PLEKHM3: variants seen among roughly 807,000 people sequenced by gnomAD.
The protein encoded by PLEKHM3 is pleckstrin homology domain containing M3.
PLEKHM3 carries 45 observed loss-of-function variants against 81.8 expected under a neutral mutation model. The observed-to-expected ratio is 0.55, with a 90% CI of 0.43 to 0.71. PLEKHM3 has a LOEUF of 0.71. PLEKHM3 is among the 30% of genes least tolerant of loss of function. The probability of loss-of-function intolerance (pLI) is 0.00; values close to 1 mark genes in which losing one functional copy is unlikely to be tolerated. For missense variants in PLEKHM3, 788 were observed against 924.3 expected, an observed-to-expected ratio of 0.85 and a Z score of 1.91; for synonymous variants, 352 against 356.4, an observed-to-expected ratio of 0.99 and a Z score of 0.14.
At chr2:208,012,705 T>G (rs1692743753) in intron 1 of PLEKHM3, among the ~76,000 whole-genome samples, 1 of 152,190 alleles carries the variant, frequency 6.6e-6, no homozygotes, top group African/African-American at 2.4e-5. Context: ...ATCCAGCAAG[T>G]CAGGCTGACT....
At chr2:207,830,862 C>T (rs1047912100) in intron 7 of PLEKHM3, among the ~76,000 whole-genome samples, 1 of 152,118 alleles carries the variant, frequency 6.6e-6, no homozygotes, top group African/African-American at 2.4e-5. Context: ...TCTGAAATTT[C>T]CAGCCTCCAG....
At chr2:208,016,668 A>ATACACACACACACACACACACACACACAC (rs11436592) in intron 1 of PLEKHM3, among the ~76,000 whole-genome samples, 8 of 61,562 alleles carry the variant, frequency 1.3e-4, no homozygotes, top group African/African-American at 3.6e-4. Context: ...AAAAAAAAAA[A>ATACACACACACACACACACACACACACAC]ATACACACAC....
rs1688412132 is a variant in PLEKHM3, at chr2:207,901,118, T to A, written c.1950+7396A>T. On this transcript the variant is annotated intron_variant, in intron 6 of 7. Coordinates refer to ENST00000427836, the MANE Select transcript of PLEKHM3 (RefSeq NM_001080475.3). ...CCTGGAATCCTTATCTCAACTGAGC[T>A]CCTTCTCACCTGGGCAACAGGGCTC... The A allele has an allele frequency of 2.4e-5, 15 of 615,680 alleles. No individual in the cohort carries two copies. In the South Asian group the frequency reaches 2.9e-4, roughly 12 times the overall value. 38.1% of individuals were successfully genotyped at this position (615,680 alleles called of 1,614,324 possible).
intron 6 of PLEKHM3, among the ~76,000 whole-genome samples, chr2:207,884,269 G>T (rs1025195867): frequency 2.0e-5 from 3 of 151,844 alleles, no homozygotes; most frequent in Admixed American, 2.0e-4. Flanking sequence ...TTCCTAGGAA[G>T]ATCAGGAACT....
chr2:208,014,643 C>CA (rs367636812), intron 1 of PLEKHM3, among the ~76,000 whole-genome samples: 130 of 151,912 alleles, frequency 8.6e-4, no homozygotes, highest in Middle Eastern at 3.4e-3. Flanking sequence ...GACTCCATCT[C>CA]AAAAAACAAA....
chr2:207,995,439 G>C (rs1692089008), intron 2 of PLEKHM3, among the ~76,000 whole-genome samples: 1 of 152,176 alleles, frequency 6.6e-6, no homozygotes, highest in Admixed American at 6.5e-5. Flanking sequence ...CTTTCAAAGT[G>C]GAGGGCTGAG....
chr2:207,954,410 T>C (rs1690437962), intron 3 of PLEKHM3, among the ~76,000 whole-genome samples: 1 of 152,222 alleles, frequency 6.6e-6, no homozygotes, highest in African/African-American at 2.4e-5. Context: ...AAAGTATTAG[T>C]ACTGTGCTGA....
chr2:207,908,639 T>G, intron 5 of PLEKHM3, 62 bp from the exon 6 acceptor site: 1 of 1,435,472 alleles, frequency 7.0e-7, no homozygotes, highest in East Asian at 2.3e-5. Context: ...ATTTTTCTGA[T>G]AAGTTTCAGT....
chr2:208,018,710 A>G (rs1415345685), intron 1 of PLEKHM3, among the ~76,000 whole-genome samples: 2 of 152,112 alleles, frequency 1.3e-5, no homozygotes, highest in Non-Finnish European at 2.9e-5. Context: ...TAATCCATTC[A>G]CCACACTGCA....
intron 2 of PLEKHM3, among the ~76,000 whole-genome samples, chr2:207,987,476 T>C: frequency 6.6e-6 from 1 of 152,152 alleles, no homozygotes; most frequent in East Asian, 1.9e-4. Context: ...AAAATCAATT[T>C]TCATTGACTG....
At chr2:207,904,006 C>T (rs1346581301) in intron 6 of PLEKHM3, among the ~76,000 whole-genome samples, 1 of 152,256 alleles carries the variant, frequency 6.6e-6, no homozygotes, top group African/African-American at 2.4e-5. Flanking sequence ...AAGTAGCTAA[C>T]CAAGGAAAAG....
intron 7 of PLEKHM3, among the ~76,000 whole-genome samples, chr2:207,837,475 C>T (rs1263695920): frequency 6.6e-6 from 1 of 152,020 alleles, no homozygotes; most frequent in East Asian, 2.0e-4. Context: ...TGGCTAATGC[C>T]TGTAGTCCCG....
chr2:207,886,599 G>A (rs936144764), intron 6 of PLEKHM3, among the ~76,000 whole-genome samples: 2 of 152,168 alleles, frequency 1.3e-5, no homozygotes, highest in East Asian at 3.8e-4. Context: ...GATGCTGCAA[G>A]GCCCTGAGCC....
chr2:207,926,639 C>T (rs1309520234), intron 5 of PLEKHM3, among the ~76,000 whole-genome samples: 6 of 152,148 alleles, frequency 3.9e-5, no homozygotes, highest in African/African-American at 1.2e-4. Context: ...TCAGCAGGAC[C>T]GCCATCTGGG....
chr2:207,990,018 G>C (rs1403478526), intron 2 of PLEKHM3, among the ~76,000 whole-genome samples: 1 of 152,136 alleles, frequency 6.6e-6, no homozygotes, highest in Non-Finnish European at 1.5e-5. Flanking sequence ...TTGCCAATAA[G>C]TCACTCCTCC....
intron 6 of PLEKHM3, among the ~76,000 whole-genome samples, chr2:207,880,022 A>G (rs1461065199): frequency 5.3e-5 from 8 of 152,196 alleles, no homozygotes; most frequent in Non-Finnish European, 1.5e-5. Flanking sequence ...TTTGGTTGTC[A>G]TCACTCAATC....
intron 1 of PLEKHM3, among the ~76,000 whole-genome samples, chr2:208,024,407 T>C (rs1172826521): frequency 1.3e-5 from 2 of 152,178 alleles, no homozygotes; most frequent in African/African-American, 2.4e-5. Context: ...TCATTTCTTC[T>C]ATGTATATCT....
chr2:207,828,584 G>T, intron 7 of PLEKHM3, 88 bp from the exon 8 acceptor site: 1 of 1,268,670 alleles, frequency 7.9e-7, no homozygotes, highest in Non-Finnish European at 1.1e-6. Context: ...TGCAGCTGGT[G>T]GCACAATCTA....
intron 6 of PLEKHM3, among the ~76,000 whole-genome samples, chr2:207,876,152 A>T (rs1304140126): frequency 6.6e-6 from 1 of 152,218 alleles, no homozygotes; most frequent in Non-Finnish European, 1.5e-5. Context: ...AAAAGGGCTG[A>T]CTTGAAAAGC....
Sources: allele counts gnomAD v4.1 joint callset (sites outside exome capture counted in the v4.1 genomes callset), GRCh38; gene constraint gnomAD v4.1.1; transcripts MANE v1.5; gene names NCBI Gene and HGNC (gene_info 2026-07-23, HGNC 2026-07-21).